Variants in ADAM19 observed in about 807,000 individuals in gnomAD.
ADAM19 encodes the protein disintegrin and metalloproteinase domain-containing protein 19.
A neutral mutation model predicts 114.7 loss-of-function variants in ADAM19; 65 were observed. That is an observed-to-expected ratio of 0.57 (90% CI 0.46 to 0.70). The LOEUF is 0.70. Among genes scored for constraint, ADAM19 ranks in the 30% least tolerant of loss-of-function variants. ADAM19 has a pLI of 0.00. For synonymous variants in ADAM19, 466 were observed against 460.5 expected (o/e 1.01, Z -0.15); for missense variants, 1,063 against 1,204.7 (o/e 0.88, Z 1.74).
intron 3 of ADAM19, among the ~76,000 whole-genome samples, chr5:157,550,815 GC>G (rs1757174452): frequency 6.6e-6 from 1 of 152,136 alleles, no homozygotes; most frequent in Non-Finnish European, 1.5e-5. Flanking sequence ...TTGCAGAGGA[GC>G]CAAGGGCAAC....
intron 5 of ADAM19, among the ~76,000 whole-genome samples, 164 bp from the exon 6 acceptor site, chr5:157,520,195 A>G (rs73295301): frequency 0.015 from 2,275 of 152,190 alleles, 72 homozygotes; most frequent in African/African-American, 0.052. Flanking sequence ...CTCTGATGCA[A>G]GCTCACACTT....
chr5:157,478,997 G>A lies in ADAM19; in HGVS notation c.*1952C>T. 1.0e-6 allele frequency: 1 copy of A among 985,644 alleles called. No individual in the cohort carries two copies. Among genetic ancestry groups the A allele is most frequent in the Non-Finnish European group, 1.2e-6 (1 of 829,954 alleles). The allele number at this position is 985,644 out of a possible 1,614,324, so 61.1% of individuals were successfully genotyped here. ...TGTTGCTTGTTTGTTTTGCAGAGGG[G>A]TGAAAGGGGATGTTTTCACCTTTAC... On this transcript the variant is annotated 3_prime_UTR_variant, in exon 23 of 23. Transcript: ENST00000257527.
intron 21 of ADAM19, among the ~76,000 whole-genome samples, chr5:157,486,448 G>A (rs1182040116): frequency 6.6e-6 from 1 of 152,048 alleles, no homozygotes; most frequent in South Asian, 2.1e-4. Context: ...CCACTGGCTG[G>A]GCAGCTTCCT....
chr5:157,482,565 G>C (rs1036330790), intron 21 of ADAM19, among the ~76,000 whole-genome samples: 1 of 152,132 alleles, frequency 6.6e-6, no homozygotes, highest in Non-Finnish European at 1.5e-5. Flanking sequence ...AATCCATCTT[G>C]AGTTAATTTT....
At chr5:157,517,967 C>A (rs1261873338) in intron 7 of ADAM19, among the ~76,000 whole-genome samples, 1 of 152,046 alleles carries the variant, frequency 6.6e-6, no homozygotes, top group Non-Finnish European at 1.5e-5. Context: ...GGGGCAGGGC[C>A]CGAGAATTTG....
chr5:157,537,949 T>G lies in ADAM19; in HGVS notation c.294A>C (p.Ser98=). The stretch of plus-strand genomic sequence containing the variant: ...GTGTGGTGGTTTGAGGGTTACCACT[T>G]GAAGTATAATGGGTTTCTGTGTAGG... ...APSYTETHYT[S]SGNPQTTTRK... Residue 98 remains serine (S), a synonymous_variant, in exon 4 of 23, where the codon TCA becomes TCC. Transcript: ENST00000257527. The G allele has an allele frequency of 6.2e-7, 1 of 1,614,084 alleles. No homozygotes were observed. The highest frequency in any genetic ancestry group is 8.5e-7 in the Non-Finnish European group (1 of 1,180,004).
chr5:157,531,245 G>T (rs1320597609), intron 4 of ADAM19, among the ~76,000 whole-genome samples: 2 of 152,166 alleles, frequency 1.3e-5, no homozygotes, highest in Non-Finnish European at 2.9e-5. Flanking sequence ...GAAAGAACTT[G>T]CCTCCCCACC....
In ADAM19 at chr5:157,509,322, T is replaced by C; in HGVS notation, c.884A>G (p.His295Arg). The C allele has an allele frequency of 6.2e-7, 1 of 1,611,104 alleles. No individual in the cohort carries two copies. The highest frequency in any genetic ancestry group is 1.1e-5 in the South Asian group (1 of 90,588). Residue 295 changes from histidine to arginine, a missense_variant, in exon 9 of 23, where the codon CAT becomes CGT. Physicochemically the swap from His to Arg is conservative, Grantham distance 29 (BLOSUM62 0). Transcript: ENST00000257527. ...TTACGTGATTAATTGGGCGTTGTCA[T>C]GGTACTTCTGGGCAAGCAGCTTGCG... ...WRRKLLAQKY[H>R]DNAQLITGMS...
intron 5 of ADAM19, among the ~76,000 whole-genome samples, chr5:157,522,335 G>A (rs1756321845): frequency 6.6e-6 from 1 of 152,148 alleles, no homozygotes; most frequent in East Asian, 1.9e-4. Context: ...ACATGTGCAG[G>A]ATGGGCAGGT....
chr5:157,533,969 A>G (rs1054032426), intron 4 of ADAM19, among the ~76,000 whole-genome samples: 59 of 152,082 alleles, frequency 3.9e-4, no homozygotes, highest in African/African-American at 1.3e-3. Context: ...TCTGTCTCCA[A>G]AAAAAGAAAA....
intron 4 of ADAM19, among the ~76,000 whole-genome samples, chr5:157,537,698 G>C (rs1313314043): frequency 6.6e-6 from 1 of 152,186 alleles, no homozygotes; most frequent in Non-Finnish European, 1.5e-5. Flanking sequence ...CCCTAAAATA[G>C]TCTATGTTTC....
In ADAM19 at chr5:157,548,927, A is replaced by G. The variant is rs1323425868; in HGVS notation, c.252-10936T>C. ...CCGAAAGAGCCTCTCCCAAATCCAAATGTATATCCATAAATCCGTCTGCAT... is the reference window on the plus strand; with the variant it reads ...CCGAAAGAGCCTCTCCCAAATCCAAGTGTATATCCATAAATCCGTCTGCAT... On this transcript the variant is annotated intron_variant, in intron 3 of 22. Transcript: ENST00000257527. Among the ~76,000 whole-genome samples, 4 of 152,230 alleles carry G rather than the reference A, an allele frequency of 2.6e-5. No homozygotes were observed. The East Asian group carries it at 7.7e-4, about 29-fold the overall frequency.
chr5:157,480,500 C>T lies in ADAM19; in HGVS notation c.*449G>A, dbSNP rs1256257600. On this transcript the variant is annotated 3_prime_UTR_variant, in exon 23 of 23. Transcript: ENST00000257527. ...GCTAAAAGGGGTGGGTAAGTACCAG[C>T]CTCCATCCAGCCCGGGACCTCTGAG... 1.0e-6 allele frequency: 1 copy of T among 996,140 alleles called. No individual in the cohort carries two copies. The highest frequency in any genetic ancestry group is 1.7e-5 in the African/African-American group (1 of 57,420). The allele number at this position is 996,140 out of a possible 1,614,324, so 61.7% of individuals were successfully genotyped here. A position where few individuals can be genotyped will look rare whatever the true frequency, so the allele number is the denominator to read the frequency against.
chr5:157,499,690 T>G, intron 12 of ADAM19, 28 bp from the exon 13 acceptor site: 2 of 1,493,464 alleles, frequency 1.3e-6, no homozygotes, highest in South Asian at 1.2e-5. Flanking sequence ...TGGGTGTGAG[T>G]GGGGGAGGGC....
chr5:157,521,559 G>A (rs1403145244), intron 5 of ADAM19, among the ~76,000 whole-genome samples: 1 of 152,160 alleles, frequency 6.6e-6, no homozygotes, highest in Non-Finnish European at 1.5e-5. Flanking sequence ...GCTCTGATGG[G>A]CAGCAGCCTT....
At chr5:157,570,668 A>C in intron 2 of ADAM19, 1 of 463,818 alleles carries the variant, frequency 2.2e-6, no homozygotes. Flanking sequence ...TGTCAGCATT[A>C]ATGTGAATTT....
In ADAM19 at chr5:157,500,021, C is replaced by T. The variant is rs188402615; in HGVS notation, c.1309-359G>A. ...TTCAAACTTCTGACCTCAAGTGATC[C>T]ACCTGCCTCGGCCTCCCAAAGTGCT... is the stretch of plus-strand genomic sequence containing the variant. On this transcript the variant is annotated intron_variant, in intron 12 of 22. Transcript: ENST00000257527. Among the ~76,000 whole-genome samples the T allele has an allele frequency of 4.1e-3, 616 of 152,050 alleles. 6 individuals carry two copies. Among genetic ancestry groups the T allele is most frequent in the Middle Eastern group, 0.014 (4 of 294 alleles).
In ADAM19 at chr5:157,537,618, G is replaced by A. The variant is rs1756801322; in HGVS notation, c.330+295C>T. Among the ~76,000 whole-genome samples the A allele has an allele frequency of 2.0e-5, 3 of 152,150 alleles. No individual in the cohort carries two copies. In the South Asian group the frequency reaches 6.2e-4, roughly 31 times the overall value. On this transcript the variant is annotated intron_variant, in intron 4 of 22. Transcript: ENST00000257527. ...TACTAAAACTTTTGTTAACATGTGG[G>A]TAATTAACATAAAGCAAAGAACATG...
intron 4 of ADAM19, among the ~76,000 whole-genome samples, chr5:157,533,451 C>G (rs774464320): frequency 5.3e-5 from 8 of 152,150 alleles, no homozygotes; most frequent in Non-Finnish European, 1.0e-4. Flanking sequence ...TCAACCTACC[C>G]GTGGGATCTG....
Sources: allele counts gnomAD v4.1 joint callset (sites outside exome capture counted in the v4.1 genomes callset), GRCh38; gene constraint gnomAD v4.1.1; transcripts MANE v1.5; gene names NCBI Gene and HGNC (gene_info 2026-07-23, HGNC 2026-07-21).